The following AADAT variants were observed in gnomAD, a reference collection of about 807,000 sequenced individuals.
AADAT encodes the protein aminoadipate aminotransferase.
AADAT carries 25 observed loss-of-function variants against 56.2 expected under a neutral mutation model. That is an observed-to-expected ratio of 0.44 (90% confidence interval 0.32 to 0.62). The LOEUF is 0.62. Ranked by LOEUF, AADAT falls within the 20% of genes least tolerant of loss-of-function variation. The pLI is 0.04. For missense variants in AADAT, 387 were observed against 510.5 expected (o/e 0.76, Z 2.33); for synonymous variants, 173 against 164.7 (o/e 1.05, Z -0.39).
At chr4:170,091,307 C>T (rs1356472807), upstream of AADAT, among the ~76,000 whole-genome samples, 2 of 152,120 alleles carry the variant, frequency 1.3e-5, no homozygotes, top group African/African-American at 4.8e-5. Context: ...GTGGGCTTGG[C>T]GGGCCGGCAC....
At chr4:170,087,992 G>T (rs780060118) in intron 2 of AADAT, among the ~76,000 whole-genome samples, 2 of 150,268 alleles carry the variant, frequency 1.3e-5, no homozygotes, top group Admixed American at 6.6e-5. Flanking sequence ...TTAAAAAGTT[G>T]AAGCTTCCTG....
chr4:170,088,413 C>T lies in AADAT; in HGVS notation c.219G>A (p.Gln73=), dbSNP rs754848917. 2.5e-6 allele frequency: 4 copies of T among 1,606,502 alleles called. No homozygotes were observed. The East Asian group carries it at 9.0e-5, about 36-fold the overall frequency. ...FGEEMMKRAL[Q]YSPSAGIPEL... ...ATACTTACCCAGCACTCGGAGAATA[C>T]TGAAGTGCTCTCTTCATCATCTCTT... The change falls in exon 2 of 13, where the codon CAG becomes CAA. Residue 73 remains glutamine (Q), a synonymous_variant. Transcript: ENST00000337664.
At chr4:170,093,685 T>TC (rs1732933914), upstream of AADAT, among the ~76,000 whole-genome samples, 1 of 152,154 alleles carries the variant, frequency 6.6e-6, no homozygotes, top group African/African-American at 2.4e-5. Context: ...AGCCTCGTCT[T>TC]CCCGGGCTCA....
At chr4:170,087,907 T>C (rs1732639714) in intron 2 of AADAT, among the ~76,000 whole-genome samples, 2 of 151,532 alleles carry the variant, frequency 1.3e-5, no homozygotes, top group African/African-American at 4.8e-5. Flanking sequence ...AATGAATGAC[T>C]ATATTCAATG....
In AADAT at chr4:170,063,725, A is replaced by G. The variant is rs1271843787; in HGVS notation, c.1134+994T>C. On this transcript the variant is annotated intron_variant, in intron 11 of 12. Coordinates refer to ENST00000337664, the MANE Select transcript of AADAT (RefSeq NM_016228.4). ...TTATGCACCAGCATGGCACTTTGCC[A>G]TCATCAATCCAATCTGTCCTTTAGT... Among the ~76,000 whole-genome samples the G allele has an allele frequency of 2.0e-5, 3 of 152,216 alleles. No individual in the cohort carries two copies. In the East Asian group the frequency reaches 5.8e-4, roughly 29 times the overall value.
intron 1 of AADAT, 52 bp from the exon 2 acceptor site, chr4:170,088,616 C>T (rs781639951): frequency 7.1e-6 from 11 of 1,550,512 alleles, no homozygotes; most frequent in East Asian, 4.5e-5. Flanking sequence ...TTGTTATAAG[C>T]GGATAGTTAA....
chr4:170,076,443 T>C (rs1732037475), intron 4 of AADAT, among the ~76,000 whole-genome samples: 1 of 152,158 alleles, frequency 6.6e-6, no homozygotes, highest in African/African-American at 2.4e-5. Context: ...CATACGTTGA[T>C]TTATGTTGCT....
intron 1 of AADAT, 50 bp downstream of exon 1, chr4:170,089,574 G>C (rs1179706913): frequency 4.4e-6 from 7 of 1,608,184 alleles, no homozygotes; most frequent in East Asian, 2.2e-5. Context: ...CTTAGAGGCT[G>C]TGCGAGGAAT....
intron 12 of AADAT, 95 bp downstream of exon 12, chr4:170,061,797 G>A (rs1731202079): frequency 1.2e-6 from 1 of 821,270 alleles, no homozygotes; most frequent in African/African-American, 1.7e-5. Context: ...AACCCAAACA[G>A]ATATTAAGTA....
intron 6 of AADAT, among the ~76,000 whole-genome samples, chr4:170,070,205 C>A (rs1020037084): frequency 6.6e-6 from 1 of 151,936 alleles, no homozygotes; most frequent in Non-Finnish European, 1.5e-5. Context: ...CACCAAGACA[C>A]AGAAGTCAAC....
rs565518011 is a variant in AADAT, at chr4:170,088,244, G to C, written c.236+152C>G. 1.1e-5 allele frequency: 8 copies of C among 696,732 alleles called. No individual in the cohort carries two copies. The South Asian group carries it at 2.1e-4, about 19-fold the overall frequency. The allele number at this position is 696,732 out of a possible 1,614,324, so 43.2% of individuals were successfully genotyped here. On this transcript the variant is annotated intron_variant, in intron 2 of 12. Coordinates refer to ENST00000337664, the MANE Select transcript of AADAT (RefSeq NM_016228.4). Reference sequence around the variant, plus strand: ...CATTTGGTTAGTATTCAATGACTGAGTATTTGGTCATTGAATGACCAAATG... The same window carrying C: ...CATTTGGTTAGTATTCAATGACTGACTATTTGGTCATTGAATGACCAAATG...
rs145367742 is a variant in AADAT at position 170,075,288 on chromosome 4, T to A, written c.445-1943A>T. On this transcript the variant is annotated intron_variant, in intron 4 of 12. Transcript: ENST00000337664. ...TCCAATCATTGAGAAAAAGTAATTA[T>A]TTTATTTTAGTTTTATTGTGGTAAA... Among the ~76,000 whole-genome samples, 696 of 152,336 alleles carry A rather than the reference T, an allele frequency of 4.6e-3. 2 individuals carry two copies. Among genetic ancestry groups the A allele is most frequent in the African/African-American group, 0.014 (596 of 41,572 alleles).
intron 3 of AADAT, among the ~76,000 whole-genome samples, chr4:170,079,196 A>G (rs1438808948): frequency 6.6e-6 from 1 of 152,228 alleles, no homozygotes; most frequent in Non-Finnish European, 1.5e-5. Context: ...CTAGGCATTC[A>G]GGGAATTCAG....
In AADAT at chr4:170,060,985, AAAATTAGAATTAATTAAAT is replaced by A; in HGVS notation, c.1237-35_1237-17del. On this transcript the variant is annotated splice_polypyrimidine_tract_variant and intron_variant, in intron 12 of 12. Coordinates refer to ENST00000337664, the MANE Select transcript of AADAT (RefSeq NM_016228.4). ...CCTGGAAGGCCTAAAACAGAAAAAA[AAAATTAGAATTAATTAAAT>A]TAGGATACTATATTGGAAAACTCTG... is the stretch of plus-strand genomic sequence containing the variant. The A allele has an allele frequency of 6.8e-7, 1 of 1,464,950 alleles. No homozygotes were observed. The highest frequency in any genetic ancestry group is 9.2e-7 in the Non-Finnish European group (1 of 1,090,670). The allele number at this position is 1,464,950 out of a possible 1,614,324, so 90.7% of individuals were successfully genotyped here.
At chr4:170,089,542 G>A (rs1013080649) in intron 1 of AADAT, 82 bp downstream of exon 1, 4 of 1,513,986 alleles carry the variant, frequency 2.6e-6, no homozygotes, top group African/African-American at 2.7e-5. Flanking sequence ...GCAACCAAGC[G>A]GTGGCTTGCT....
At chr4:170,092,576 G>A (rs575724561), upstream of AADAT, among the ~76,000 whole-genome samples, 35 of 152,320 alleles carry the variant, frequency 2.3e-4, no homozygotes, top group East Asian at 6.8e-3. Flanking sequence ...ACCAATTCCA[G>A]GCACAGTATC....
At chr4:170,076,442 A>T (rs1732037357) in intron 4 of AADAT, among the ~76,000 whole-genome samples, 1 of 152,028 alleles carries the variant, frequency 6.6e-6, no homozygotes, top group South Asian at 2.1e-4. Context: ...TCATACGTTG[A>T]TTTATGTTGC....
At chr4:170,089,278 A>ACACC (rs1319117626) in intron 1 of AADAT, 4 of 511,366 alleles carry the variant, frequency 7.8e-6, no homozygotes, top group Non-Finnish European at 1.1e-5. Context: ...TCTCCACTGT[A>ACACC]CACCCATCTG....
At chr4:170,089,471 T>C (rs1180171973) in intron 1 of AADAT, 153 bp downstream of exon 1, 24 of 806,840 alleles carry the variant, frequency 3.0e-5, no homozygotes, top group Middle Eastern at 2.4e-4. Flanking sequence ...AGGCTGTGTC[T>C]ATTTCATTTC....
Sources: gnomAD v4.1 joint callset for allele counts (sites outside exome capture counted in the v4.1 genomes callset) on GRCh38, gnomAD v4.1.1 for gene constraint, MANE v1.5 for transcripts, NCBI Gene and HGNC (gene_info 2026-07-23, HGNC 2026-07-21) for gene names.